Variants in GABRG3 observed in about 807,000 individuals in gnomAD.
GABRG3 encodes gamma-aminobutyric acid receptor subunit gamma-3.
A neutral mutation model predicts 48.8 loss-of-function variants in GABRG3; 25 were observed. The observed-to-expected ratio is 0.51, with a 90% CI of 0.37 to 0.72. The LOEUF (loss-of-function observed/expected upper bound fraction) is 0.72, where lower values mean the gene tolerates loss of function less well. Ranked by LOEUF, GABRG3 falls within the 30% of genes least tolerant of loss-of-function variation. The pLI is 0.00. For missense variants in GABRG3, 394 were observed against 577.9 expected, an observed-to-expected ratio of 0.68 and a Z score of 3.26; for synonymous variants, 227 against 217.6, an observed-to-expected ratio of 1.04 and a Z score of -0.38.
chr15:26,990,568 G>A (rs1374330926), intron 2 of GABRG3, among the ~76,000 whole-genome samples: 1 of 152,042 alleles, frequency 6.6e-6, no homozygotes, highest in Non-Finnish European at 1.5e-5. Context: ...TCTCCCATCT[G>A]TGAGTTGTCT....
intron 5 of GABRG3, among the ~76,000 whole-genome samples, chr15:27,421,083 A>G (rs1195299899): frequency 6.6e-6 from 1 of 152,306 alleles, no homozygotes; most frequent in East Asian, 1.9e-4. Flanking sequence ...TGAAGGGCAC[A>G]CACTGCATCT....
intron 3 of GABRG3, among the ~76,000 whole-genome samples, chr15:27,050,033 C>T (rs1302045896): frequency 6.6e-6 from 1 of 152,150 alleles, no homozygotes; most frequent in African/African-American, 2.4e-5. Context: ...TGAGACGGGC[C>T]TTTCCAAAAG....
chr15:27,186,629 C>A (rs1395570327), intron 3 of GABRG3, among the ~76,000 whole-genome samples: 1 of 152,052 alleles, frequency 6.6e-6, no homozygotes, highest in Non-Finnish European at 1.5e-5. Flanking sequence ...ACATTTTCAC[C>A]AACAATATTC....
At chr15:26,983,230 AAC>A (rs1491210074) in intron 2 of GABRG3, among the ~76,000 whole-genome samples, 1 of 151,604 alleles carries the variant, frequency 6.6e-6, no homozygotes, top group Non-Finnish European at 1.5e-5. Context: ...AGGTGCAGTG[AAC>A]TTATATGTAC....
intron 3 of GABRG3, among the ~76,000 whole-genome samples, chr15:27,285,482 G>A (rs1046637156): frequency 1.3e-5 from 2 of 152,088 alleles, no homozygotes; most frequent in Non-Finnish European, 2.9e-5. Flanking sequence ...TCAGAATTTA[G>A]TGAACATTTT....
intron 3 of GABRG3, among the ~76,000 whole-genome samples, chr15:27,298,460 G>A (rs909190392): frequency 3.3e-5 from 5 of 152,038 alleles, no homozygotes; most frequent in Non-Finnish European, 5.9e-5. Flanking sequence ...TCCATATGTC[G>A]CAAGAGAAAA....
At chr15:27,342,746 C>A (rs1031238515) in intron 5 of GABRG3, among the ~76,000 whole-genome samples, 1 of 152,148 alleles carries the variant, frequency 6.6e-6, no homozygotes, top group Non-Finnish European at 1.5e-5. Flanking sequence ...TGTCTTTGAT[C>A]CACAGTGTGA....
intron 5 of GABRG3, among the ~76,000 whole-genome samples, chr15:27,448,367 T>C (rs1365070028): frequency 6.6e-6 from 1 of 152,130 alleles, no homozygotes; most frequent in Non-Finnish European, 1.5e-5. Context: ...TCCCAGGAAG[T>C]AGAAGACATG....
chr15:27,454,387 T>G (rs1039935779), intron 5 of GABRG3, among the ~76,000 whole-genome samples: 2 of 152,150 alleles, frequency 1.3e-5, no homozygotes, highest in African/African-American at 2.4e-5. Flanking sequence ...GATTTGATAG[T>G]AGAGGTCTAC....
chr15:26,981,231 T>G (rs1463594923), intron 2 of GABRG3, among the ~76,000 whole-genome samples: 4 of 152,220 alleles, frequency 2.6e-5, no homozygotes, highest in African/African-American at 7.2e-5. Flanking sequence ...TTCCAAATTT[T>G]GGCTTTTGTG....
chr15:27,522,610 A>T (rs1891185429), intron 7 of GABRG3, among the ~76,000 whole-genome samples: 1 of 151,788 alleles, frequency 6.6e-6, no homozygotes, highest in Non-Finnish European at 1.5e-5. Flanking sequence ...AAGTAATTCT[A>T]AAAAAATTCT....
At chr15:27,470,707 A>T (rs987666682) in intron 5 of GABRG3, among the ~76,000 whole-genome samples, 4 of 151,604 alleles carry the variant, frequency 2.6e-5, no homozygotes, top group African/African-American at 7.3e-5. Flanking sequence ...GTTTTCCCCA[A>T]ATTGTTATTT....
intron 3 of GABRG3, among the ~76,000 whole-genome samples, chr15:27,068,067 C>T (rs978100293): frequency 4.6e-5 from 7 of 152,182 alleles, no homozygotes; most frequent in African/African-American, 1.7e-4. Context: ...GGGATCATGG[C>T]CATGGCTCAA....
intron 3 of GABRG3, among the ~76,000 whole-genome samples, chr15:27,048,329 G>A (rs13380158): frequency 0.011 from 1,732 of 152,252 alleles, 43 homozygotes; most frequent in African/African-American, 0.04. Flanking sequence ...AGAATCTCTG[G>A]GCAAATGCAA....
intron 3 of GABRG3, among the ~76,000 whole-genome samples, chr15:27,262,579 C>G (rs1252050587): frequency 6.6e-6 from 1 of 152,222 alleles, no homozygotes; most frequent in Non-Finnish European, 1.5e-5. Context: ...GTCATTCTTA[C>G]TCATTTGAAG....
rs554494739 is a variant in GABRG3 at position 27,248,119 on chromosome 15, A to G, written c.271-78690A>G. 2.5e-4 allele frequency among the ~76,000 whole-genome samples: 38 copies of G among 152,284 alleles called. No individual in the cohort carries two copies. The South Asian group carries it at 7.9e-3, about 32-fold the overall frequency. ...CACTTCTTCAGATAATTGGCCAAGG[A>G]GTTTCCACCTCCTTATTTTCTAACT... is the stretch of plus-strand genomic sequence containing the variant. On this transcript the variant is annotated intron_variant, in intron 3 of 9. Transcript: ENST00000615808.
chr15:27,308,628 C>CATAATGTAAACATACGCTTATGTATAAAT (rs1566774784), intron 3 of GABRG3, among the ~76,000 whole-genome samples: 2 of 146,060 alleles, frequency 1.4e-5, no homozygotes. Context: ...TATATATAAA[C>CATAATGTAAACATACGCTTATGTATAAAT]ATATAATGTA....
chr15:27,320,342 C>T (rs539986557), intron 3 of GABRG3, among the ~76,000 whole-genome samples: 4 of 152,146 alleles, frequency 2.6e-5, no homozygotes, highest in East Asian at 3.9e-4. Context: ...TGGGGCATGG[C>T]GACTTCTGTC....
At chr15:27,077,946 CG>C (rs1896936187) in intron 3 of GABRG3, among the ~76,000 whole-genome samples, 1 of 152,136 alleles carries the variant, frequency 6.6e-6, no homozygotes, top group South Asian at 2.1e-4. Flanking sequence ...GCCTCCCCGC[CG>C]GGGGTTTGGG....
Sources: allele counts gnomAD v4.1 joint callset (sites outside exome capture counted in the v4.1 genomes callset), GRCh38; gene constraint gnomAD v4.1.1; transcripts MANE v1.5; gene names NCBI Gene and HGNC (gene_info 2026-07-23, HGNC 2026-07-21).